The following ATP8A2 variants were observed in gnomAD, a reference collection of about 807,000 sequenced individuals.
ATP8A2 encodes the protein ATPase phospholipid transporting 8A2.
Under a neutral mutation model 165.6 loss-of-function variants are expected in ATP8A2, and 100 were observed. That is an observed-to-expected ratio of 0.60 (90% CI 0.51 to 0.71). ATP8A2 has a LOEUF of 0.71. Among genes scored for constraint, ATP8A2 ranks in the 30% least tolerant of loss-of-function variants. The pLI is 0.00. For synonymous variants in ATP8A2, 543 were observed against 548.8 expected, an observed-to-expected ratio of 0.99 and a Z score of 0.15; for missense variants, 1,227 against 1,479.5, an observed-to-expected ratio of 0.83 and a Z score of 2.80.
intron 27 of ATP8A2, among the ~76,000 whole-genome samples, chr13:25,820,134 G>T (rs767109827): frequency 6.6e-6 from 1 of 152,224 alleles, no homozygotes; most frequent in Non-Finnish European, 1.5e-5. Context: ...ACCCGCCGAG[G>T]TTGGACGATG....
At chr13:25,591,479 T>C in intron 24 of ATP8A2, 1 of 398,468 alleles carries the variant, frequency 2.5e-6, no homozygotes, top group Non-Finnish European at 5.0e-6. Context: ...GGACCATGTG[T>C]CAGAATTTCG....
intron 1 of ATP8A2, among the ~76,000 whole-genome samples, chr13:25,412,012 G>T (rs969984022): frequency 1.3e-5 from 2 of 152,162 alleles, no homozygotes; most frequent in East Asian, 3.9e-4. Flanking sequence ...GACCTGTACA[G>T]ATTTCTTTTT....
chr13:25,518,853 A>G (rs894068561), intron 2 of ATP8A2, among the ~76,000 whole-genome samples: 4 of 152,152 alleles, frequency 2.6e-5, no homozygotes, highest in African/African-American at 4.8e-5. Flanking sequence ...TCCAACATAC[A>G]TGTAACAAGA....
intron 29 of ATP8A2, among the ~76,000 whole-genome samples, chr13:25,839,053 A>C (rs1353240589): frequency 6.6e-6 from 1 of 152,230 alleles, no homozygotes; most frequent in Non-Finnish European, 1.5e-5. Flanking sequence ...GTAGTAAAAC[A>C]AAAGAGTGAG....
intron 23 of ATP8A2, among the ~76,000 whole-genome samples, chr13:25,582,803 C>G (rs2039811948): frequency 6.6e-6 from 1 of 152,184 alleles, no homozygotes; most frequent in Admixed American, 6.5e-5. Context: ...AAAACCTTAT[C>G]TTTGAATCAG....
intron 33 of ATP8A2, among the ~76,000 whole-genome samples, chr13:25,954,378 T>C (rs189088122): frequency 1.3e-4 from 20 of 152,150 alleles, no homozygotes; most frequent in Admixed American, 1.2e-3. Context: ...TAGATAAAAC[T>C]CCCATCTCCC....
chr13:25,709,660 T>C (rs1486224680), intron 25 of ATP8A2, among the ~76,000 whole-genome samples: 10 of 152,186 alleles, frequency 6.6e-5, no homozygotes, highest in African/African-American at 2.4e-4. Context: ...AATTATCAAA[T>C]ATGGGAACAA....
intron 2 of ATP8A2, among the ~76,000 whole-genome samples, chr13:25,513,686 A>G (rs1277923119): frequency 2.0e-5 from 3 of 151,998 alleles, no homozygotes; most frequent in East Asian, 1.9e-4. Context: ...TGAGTGAACC[A>G]GACTCCGTCT....
At chr13:25,998,022 T>C (rs1956549900) in intron 35 of ATP8A2, among the ~76,000 whole-genome samples, 1 of 152,218 alleles carries the variant, frequency 6.6e-6, no homozygotes. Flanking sequence ...TTGGCTATTA[T>C]GCTATGGACT....
In ATP8A2 at chr13:25,372,173, G is replaced by T. The variant is rs1226619210; in HGVS notation, c.-40G>T. On this transcript the variant is annotated 5_prime_UTR_variant, in exon 1 of 37. Transcript: ENST00000381655. The surrounding 1 kb of genome is among the most constrained non-coding windows in gnomAD (Gnocchi z 4.8). ...GCGCCCAGCCCTGCGCGTAGCCTCC[G>T]TCTCTCGCCCGGGGCCGCCGAGCCC... 1.4e-6 allele frequency: 2 copies of T among 1,386,914 alleles called. No homozygotes were observed. The highest frequency in any genetic ancestry group is 2.7e-5 in the Admixed American group (1 of 37,320). The allele number at this position is 1,386,914 out of a possible 1,614,324, so 85.9% of individuals were successfully genotyped here. A position where few individuals can be genotyped will look rare whatever the true frequency, so the allele number is the denominator to read the frequency against.
At chr13:25,872,502 C>G (rs1032845689) in intron 33 of ATP8A2, among the ~76,000 whole-genome samples, 4 of 152,188 alleles carry the variant, frequency 2.6e-5, no homozygotes, top group African/African-American at 9.6e-5. Context: ...TACCATGCAT[C>G]TACCAAGTTG....
At position 25,815,308 on chromosome 13, in the gene ATP8A2, G is replaced by A. The variant is rs1320515388; in HGVS notation, c.2680-12810G>A. Among the ~76,000 whole-genome samples the A allele has an allele frequency of 2.6e-5, 4 of 152,120 alleles. No individual in the cohort carries two copies. The East Asian group carries it at 7.7e-4, about 29-fold the overall frequency. ...TATTTGCAAATCATATATCCGATAA[G>A]AGATTAATATCCAAAATATCTGAAG... On this transcript the variant is annotated intron_variant, in intron 27 of 36. Coordinates refer to ENST00000381655, the MANE Select transcript of ATP8A2 (RefSeq NM_016529.6).
intron 24 of ATP8A2, among the ~76,000 whole-genome samples, chr13:25,599,943 A>G (rs61947465): frequency 0.039 from 5,957 of 152,306 alleles, 140 homozygotes; most frequent in Non-Finnish European, 0.053. Context: ...TCTGATACCA[A>G]CTATAGGAAC....
At chr13:25,457,086 C>T (rs1414032286) in intron 1 of ATP8A2, among the ~76,000 whole-genome samples, 3 of 152,142 alleles carry the variant, frequency 2.0e-5, no homozygotes, top group South Asian at 4.1e-4. Context: ...TTGTGGGCCA[C>T]GAGTTGGACA....
chr13:25,904,316 C>G (rs941203414), intron 33 of ATP8A2, among the ~76,000 whole-genome samples: 45 of 152,354 alleles, frequency 3.0e-4, no homozygotes, highest in African/African-American at 1.0e-3. Flanking sequence ...AATCCACTGC[C>G]CAGCTCAGGC....
chr13:25,911,801 T>G (rs1439114581), intron 33 of ATP8A2, among the ~76,000 whole-genome samples: 1 of 152,222 alleles, frequency 6.6e-6, no homozygotes, highest in East Asian at 1.9e-4. Flanking sequence ...CTTATCTCAC[T>G]CTTTACTATC....
At chr13:25,775,092 G>T (rs1429358516) in intron 27 of ATP8A2, 133 bp downstream of exon 27, 4 of 586,416 alleles carry the variant, frequency 6.8e-6, no homozygotes, top group Non-Finnish European at 1.2e-5. Context: ...TCTACAGCCT[G>T]GGTCACATGT....
At chr13:25,648,319 C>T (rs2041727948) in intron 24 of ATP8A2, among the ~76,000 whole-genome samples, 1 of 152,028 alleles carries the variant, frequency 6.6e-6, no homozygotes, top group South Asian at 2.1e-4. Flanking sequence ...GTTCCAGGAC[C>T]CTCCTCTCCC....
At chr13:25,454,130 A>C (rs2035299619) in intron 1 of ATP8A2, among the ~76,000 whole-genome samples, 1 of 152,080 alleles carries the variant, frequency 6.6e-6, no homozygotes, top group Non-Finnish European at 1.5e-5. Flanking sequence ...ACTGTGGAGC[A>C]TGTCACTCAG....
Sources: allele counts gnomAD v4.1 joint callset (sites outside exome capture counted in the v4.1 genomes callset), GRCh38; gene constraint gnomAD v4.1.1; non-coding constraint Gnocchi (gnomAD v3.1); transcripts MANE v1.5; gene names NCBI Gene and HGNC (gene_info 2026-07-23, HGNC 2026-07-21).